Variants in CLVS1 observed in about 807,000 individuals in gnomAD.
CLVS1 encodes clavesin-1.
A neutral mutation model predicts 33.1 loss-of-function variants in CLVS1; 10 were observed. That is an observed-to-expected ratio of 0.30 (90% CI 0.19 to 0.51). The LOEUF is 0.51. CLVS1 is among the 20% of genes least tolerant of loss of function. The probability of loss-of-function intolerance (pLI) is 0.97; values close to 1 mark genes in which losing one functional copy is unlikely to be tolerated. For missense variants in CLVS1, 343 were observed against 433.4 expected, an observed-to-expected ratio of 0.79 and a Z score of 1.85; for synonymous variants, 163 against 166.1, an observed-to-expected ratio of 0.98 and a Z score of 0.14.
At chr8:61,250,404 C>T (rs1189453184) in intron 2 of CLVS1, among the ~76,000 whole-genome samples, 1 of 152,106 alleles carries the variant, frequency 6.6e-6, no homozygotes, top group Non-Finnish European at 1.5e-5. Context: ...AATGTGGGCT[C>T]TTTTTTGGTT....
chr8:60,992,045 G>A, the CLVS1 span, among the ~76,000 whole-genome samples: 2 of 152,136 alleles, frequency 1.3e-5, no homozygotes, highest in Admixed American at 6.5e-5. Flanking sequence ...ACCACACCTG[G>A]CCTCCTGCTG....
At chr8:61,469,609 T>C (rs887272430) in intron 5 of CLVS1, among the ~76,000 whole-genome samples, 1 of 152,208 alleles carries the variant, frequency 6.6e-6, no homozygotes, top group Non-Finnish European at 1.5e-5. Context: ...CCTCTTTTTA[T>C]AGGGTGAATT....
chr8:61,303,144 A>G (rs1461277883), intron 2 of CLVS1, among the ~76,000 whole-genome samples: 1 of 152,198 alleles, frequency 6.6e-6, no homozygotes, highest in Admixed American at 6.5e-5. Context: ...TAGAACTTCC[A>G]TCTGCTAAGA....
the CLVS1 span, among the ~76,000 whole-genome samples, chr8:61,003,110 T>C: frequency 6.6e-6 from 1 of 152,168 alleles, no homozygotes; most frequent in Non-Finnish European, 1.5e-5. Flanking sequence ...TCTGTTACAC[T>C]TGAGTAACTT....
chr8:61,477,376 A>G (rs1045070648), intron 5 of CLVS1, among the ~76,000 whole-genome samples: 1 of 152,186 alleles, frequency 6.6e-6, no homozygotes, highest in African/African-American at 2.4e-5. Flanking sequence ...AAGGAATGGT[A>G]CCAGCTCCTC....
At chr8:61,159,463 T>G (rs1806713013) in intron 2 of CLVS1, among the ~76,000 whole-genome samples, 1 of 152,216 alleles carries the variant, frequency 6.6e-6, no homozygotes, top group Non-Finnish European at 1.5e-5. Flanking sequence ...TTGCAAAAAC[T>G]GCTGGATATG....
chr8:61,255,853 C>T (rs1470674786), intron 2 of CLVS1, among the ~76,000 whole-genome samples: 1 of 152,184 alleles, frequency 6.6e-6, no homozygotes, highest in Non-Finnish European at 1.5e-5. Context: ...AAAGTATCAT[C>T]TTTGGCTTAA....
intron 1 of CLVS1, among the ~76,000 whole-genome samples, chr8:61,109,107 G>A (rs1805585951): frequency 6.6e-6 from 1 of 152,170 alleles, no homozygotes; most frequent in Admixed American, 6.5e-5. Context: ...GGATTTGAGG[G>A]GTTCCATTTG....
chr8:61,154,701 A>G (rs74377071), intron 2 of CLVS1, among the ~76,000 whole-genome samples: 5,028 of 152,294 alleles, frequency 0.033, 110 homozygotes, highest in Middle Eastern at 0.071. Flanking sequence ...TATCTGCAAG[A>G]TAATAATAAT....
At chr8:61,024,990 G>A in the CLVS1 span, among the ~76,000 whole-genome samples, 1 of 152,100 alleles carries the variant, frequency 6.6e-6, no homozygotes, top group South Asian at 2.1e-4. Context: ...TGGGATTAGA[G>A]GTATGTGCCA....
the CLVS1 span, among the ~76,000 whole-genome samples, chr8:60,996,068 C>T: frequency 7.1e-4 from 108 of 152,136 alleles, no homozygotes; most frequent in African/African-American, 2.5e-3. Flanking sequence ...TGCTAGATGA[C>T]GAGTTAGTGG....
intron 1 of CLVS1, among the ~76,000 whole-genome samples, chr8:61,299,363 T>G (rs1318435320): frequency 6.6e-6 from 1 of 152,194 alleles, no homozygotes; most frequent in African/African-American, 2.4e-5. Flanking sequence ...CTCCTCTCAC[T>G]GTTTCTTAAG....
chr8:61,063,278 A>AGAGAGAGAGAGAGAGG (rs1804616183), intron 1 of CLVS1, among the ~76,000 whole-genome samples: 1 of 136,524 alleles, frequency 7.3e-6, no homozygotes, highest in East Asian at 2.0e-4. Context: ...AGAGAGAGAG[A>AGAGAGAGAGAGAGAGG]GAGAGAGAGA....
At chr8:61,340,492 T>C (rs1811993214) in intron 2 of CLVS1, among the ~76,000 whole-genome samples, 1 of 152,230 alleles carries the variant, frequency 6.6e-6, no homozygotes, top group African/African-American at 2.4e-5. Flanking sequence ...TCCAGGTTCA[T>C]CTATGATGTT....
intron 2 of CLVS1, among the ~76,000 whole-genome samples, chr8:61,192,475 C>T (rs377339007): frequency 1.8e-5 from 2 of 112,444 alleles, no homozygotes; most frequent in African/African-American, 6.3e-5. Context: ...GCAAGGATTT[C>T]AAGACTAAAA....
chr8:61,497,578 G>A (rs1804312631), intron 5 of CLVS1, among the ~76,000 whole-genome samples: 1 of 152,006 alleles, frequency 6.6e-6, no homozygotes, highest in South Asian at 2.1e-4. Flanking sequence ...TTTGGGTCAG[G>A]GGTTTCCTCA....
intron 2 of CLVS1, among the ~76,000 whole-genome samples, chr8:61,197,930 ACAGCCATTG>A (rs2129304236): frequency 1.3e-5 from 2 of 152,348 alleles, no homozygotes; most frequent in East Asian, 3.9e-4. Flanking sequence ...TTCCTGCTAC[ACAGCCATTG>A]CTGGGGATAG....
intron 2 of CLVS1, among the ~76,000 whole-genome samples, chr8:61,210,683 C>A (rs4033626): frequency 6.6e-6 from 1 of 152,148 alleles, no homozygotes; most frequent in African/African-American, 2.4e-5. Context: ...TATGTAATAT[C>A]TAGACTTGCA....
At chr8:61,285,641 G>C (rs1242007364), upstream of CLVS1, among the ~76,000 whole-genome samples, 1 of 152,174 alleles carries the variant, frequency 6.6e-6, no homozygotes, top group Non-Finnish European at 1.5e-5. Context: ...AAAGGGCACT[G>C]TTAATGTTGG....
Sources: gnomAD v4.1 joint callset for allele counts (sites outside exome capture counted in the v4.1 genomes callset) on GRCh38, gnomAD v4.1.1 for gene constraint, MANE v1.5 for transcripts, NCBI Gene and HGNC (gene_info 2026-07-23, HGNC 2026-07-21) for gene names.